SCP2: variants seen among roughly 807,000 people sequenced by gnomAD.
SCP2 encodes SCP-2/3-oxoacyl-CoA thiolase.
SCP2 carries 48 observed loss-of-function variants against 71.4 expected under a neutral mutation model. The ratio of observed to expected loss-of-function variants is 0.67; its 90% CI spans 0.53 to 0.86. The LOEUF is 0.86. Ranked by LOEUF, SCP2 falls within the 40% of genes least tolerant of loss-of-function variation. The pLI, the probability that SCP2 is intolerant of heterozygous loss-of-function variation, is 0.00. For missense variants in SCP2, 560 were observed against 655.6 expected, an observed-to-expected ratio of 0.85 and a Z score of 1.59; for synonymous variants, 220 against 218.1, an observed-to-expected ratio of 1.01 and a Z score of -0.08.
chr1:52,931,682 A>G (rs1653162669), intron 1 of SCP2, among the ~76,000 whole-genome samples: 1 of 152,210 alleles, frequency 6.6e-6, no homozygotes. Flanking sequence ...GCAGTTGATA[A>G]GCTTTATTCA....
chr1:52,943,716 G>T (rs991133218), intron 2 of SCP2: 2 of 454,620 alleles, frequency 4.4e-6, no homozygotes, highest in African/African-American at 2.0e-5. Context: ...TGAGCAATTT[G>T]TTGCACCAGA....
chr1:53,049,429 C>A (rs4926946), intron 15 of SCP2: 27,267 of 152,118 alleles, frequency 0.18, 5,298 homozygotes, highest in African/African-American at 0.49. Context: ...TCGTTAAATG[C>A]AGTGGAAATT....
chr1:53,046,389 A>G (rs1234309645), intron 14 of SCP2, among the ~76,000 whole-genome samples: 3 of 149,052 alleles, frequency 2.0e-5, no homozygotes, highest in Non-Finnish European at 4.4e-5. Context: ...GGCACTCATC[A>G]TGATTTTAAT....
chr1:52,999,897 A>G (rs552081030), intron 11 of SCP2, among the ~76,000 whole-genome samples: 1 of 148,464 alleles, frequency 6.7e-6, no homozygotes, highest in African/African-American at 2.5e-5. Context: ...GCTCATTGCA[A>G]CCTCTGCCTC....
intron 13 of SCP2, among the ~76,000 whole-genome samples, chr1:53,034,300 C>A (rs959934873): frequency 2.0e-5 from 3 of 151,694 alleles, no homozygotes; most frequent in Non-Finnish European, 4.4e-5. Context: ...AAAGACTGAT[C>A]GATGTATGCA....
chr1:53,017,906 G>A (rs1183598093), intron 12 of SCP2, among the ~76,000 whole-genome samples: 2 of 152,180 alleles, frequency 1.3e-5, no homozygotes, highest in Non-Finnish European at 2.9e-5. Context: ...CCAGGCTGCA[G>A]TGCAATGGCA....
intron 5 of SCP2, 28 bp downstream of exon 5, chr1:52,954,832 A>C (rs768585030): frequency 6.4e-7 from 1 of 1,567,154 alleles, no homozygotes; most frequent in African/African-American, 1.3e-5. Flanking sequence ...ATAGTTACTA[A>C]ATGAGCTAAT....
Position 52,980,450 on chromosome 1 carries a change from C to G in SCP2, c.880C>G (p.Leu294Val), listed in dbSNP as rs768329305. ...AARKCYEKSG[L>V]TPNDIDVIEL... ...AAGAAAATGCTATGAGAAATCTGGC[C>G]TGACACCAAATGATATTGACGTAAT... Residue 294 changes from leucine (L) to valine (V), a missense_variant, in exon 10 of 16, where the codon CTG becomes GTG. Leu to Val is a conservative substitution (Grantham distance 32). Around this residue, in one of 3 missense-constraint regions of SCP2, gnomAD observed 513 missense variants for 573.1 expected, o/e 0.90. Transcript: ENST00000371514. The G allele has an allele frequency of 3.1e-6, 5 of 1,614,006 alleles. No homozygotes were observed. The highest frequency in any genetic ancestry group is 3.3e-4 in the Middle Eastern group (2 of 6,062).
chr1:53,039,679 C>T (rs1219890348), intron 14 of SCP2, among the ~76,000 whole-genome samples: 2 of 152,188 alleles, frequency 1.3e-5, no homozygotes, highest in African/African-American at 2.4e-5. Context: ...CTTGGCCTCT[C>T]TTGATGGTTT....
intron 4 of SCP2, among the ~76,000 whole-genome samples, 165 bp downstream of exon 4, chr1:52,951,051 G>A (rs539521159): frequency 6.6e-6 from 1 of 152,062 alleles, no homozygotes; most frequent in Non-Finnish European, 1.5e-5. Flanking sequence ...GAGGCCGAGG[G>A]GGGTGGATTG....
At chr1:53,046,815 G>C (rs1158779080) in intron 14 of SCP2, among the ~76,000 whole-genome samples, 1 of 152,180 alleles carries the variant, frequency 6.6e-6, no homozygotes, top group Non-Finnish European at 1.5e-5. Context: ...TGTCTGATCT[G>C]TTACAGAAAG....
rs1654280554 is a variant in SCP2, at chr1:52,941,843, A to G, written c.117A>G (p.Ala39=). 1 of 1,605,076 alleles carries G rather than the reference A, an allele frequency of 6.2e-7. No homozygotes were observed. The highest frequency in any genetic ancestry group is 1.3e-5 in the African/African-American group (1 of 74,756). The change falls in exon 2 of 16, where the codon GCA becomes GCG. Residue 39 remains alanine, a synonymous_variant. Coordinates refer to ENST00000371514, the MANE Select transcript of SCP2 (RefSeq NM_002979.5). ...ATTCAAGAGACTACCCTGACTTGGC[A>G]GAAGAAGCAGGTAACATAGAACATT... ...AENSRDYPDL[A]EEAGKKALAD...
chr1:52,994,156 TC>T, intron 11 of SCP2: 6 of 1,045,474 alleles, frequency 5.7e-6, no homozygotes, highest in Non-Finnish European at 6.9e-6. Context: ...AGATCATACT[TC>T]AGTGTTGATT....
chr1:53,001,882 T>TA lies in SCP2; in HGVS notation c.1082-13001dup, dbSNP rs558200436. Among the ~76,000 whole-genome samples, 112 of 152,262 alleles carry TA rather than the reference T, an allele frequency of 7.4e-4. No homozygotes were observed. In the East Asian group the frequency reaches 0.013, roughly 18 times the overall value. On this transcript the variant is annotated intron_variant, in intron 11 of 15. Coordinates refer to ENST00000371514, the MANE Select transcript of SCP2 (RefSeq NM_002979.5). ...ATATATTATCATTATTTATAGGCTT[T>TA]AAAAAAATCTTCCCTATTTAGGCTG... is the stretch of plus-strand genomic sequence containing the variant.
intron 6 of SCP2, among the ~76,000 whole-genome samples, chr1:52,972,831 C>T (rs907170928): frequency 6.6e-6 from 1 of 152,184 alleles, no homozygotes; most frequent in Non-Finnish European, 1.5e-5. Context: ...TGTTTCATAA[C>T]CCATAAGCAG....
intron 3 of SCP2, 132 bp from the exon 4 acceptor site, chr1:52,950,622 TC>T: frequency 1.4e-6 from 1 of 713,400 alleles, no homozygotes; most frequent in East Asian, 2.8e-5. Context: ...TAAAACTGTT[TC>T]TAAGATATTT....
chr1:53,007,077 A>C (rs1296855824), intron 11 of SCP2, among the ~76,000 whole-genome samples: 2 of 152,180 alleles, frequency 1.3e-5, no homozygotes, highest in Admixed American at 6.5e-5. Flanking sequence ...ACAAGAAGAG[A>C]TAACTATCCT....
chr1:52,946,236 T>C (rs192031837), intron 2 of SCP2, among the ~76,000 whole-genome samples: 1 of 151,874 alleles, frequency 6.6e-6, no homozygotes, highest in African/African-American at 2.4e-5. Context: ...GCCTCTTTTT[T>C]TTGTTTGTTT....
chr1:52,948,644 A>C (rs1572067346), intron 3 of SCP2, among the ~76,000 whole-genome samples: 1 of 150,892 alleles, frequency 6.6e-6, no homozygotes, highest in East Asian at 1.9e-4. Flanking sequence ...AAAAAAAAAA[A>C]GCATACTGTT....
Sources: allele counts gnomAD v4.1 joint callset (sites outside exome capture counted in the v4.1 genomes callset), GRCh38; gene constraint gnomAD v4.1.1; regional missense constraint gnomAD v4.1.1; transcripts MANE v1.5; gene names NCBI Gene and HGNC (gene_info 2026-07-23, HGNC 2026-07-21).